The following ANKS1A variants were observed in gnomAD, a reference collection of about 807,000 sequenced individuals.
The protein encoded by ANKS1A is ankyrin repeat and SAM domain-containing protein 1A.
Under a neutral mutation model 120.3 loss-of-function variants are expected in ANKS1A, and 55 were observed. The observed-to-expected ratio is 0.46, with a 90% CI of 0.37 to 0.57. The LOEUF (loss-of-function observed/expected upper bound fraction) is 0.57, where lower values mean the gene tolerates loss of function less well. ANKS1A is among the 20% of genes least tolerant of loss of function. ANKS1A has a pLI of 0.00. For synonymous variants in ANKS1A, 590 were observed against 604.7 expected (o/e 0.98, Z 0.36); for missense variants, 1,123 against 1,480.3 (o/e 0.76, Z 3.96).
At chr6:34,943,477 C>T (rs1201381154) in intron 1 of ANKS1A, among the ~76,000 whole-genome samples, 1 of 152,154 alleles carries the variant, frequency 6.6e-6, no homozygotes, top group African/African-American at 2.4e-5. Flanking sequence ...TTATATAGTT[C>T]TATGGATTTT....
At chr6:35,075,322 T>C (rs1777288673) in intron 13 of ANKS1A, among the ~76,000 whole-genome samples, 1 of 152,088 alleles carries the variant, frequency 6.6e-6, no homozygotes, top group Non-Finnish European at 1.5e-5. Flanking sequence ...AAAATAGATT[T>C]CTACATGAAC....
chr6:34,917,509 A>G (rs1306708705), intron 1 of ANKS1A, among the ~76,000 whole-genome samples: 3 of 152,260 alleles, frequency 2.0e-5, no homozygotes, highest in Non-Finnish European at 4.4e-5. Flanking sequence ...ACTTGATGTT[A>G]TAAAACCAGT....
At chr6:34,896,270 A>G (rs1316755293) in intron 1 of ANKS1A, among the ~76,000 whole-genome samples, 1 of 151,310 alleles carries the variant, frequency 6.6e-6, no homozygotes, top group African/African-American at 2.4e-5. Context: ...GGGTTTCACT[A>G]TGTTGGCCAG....
intron 11 of ANKS1A, among the ~76,000 whole-genome samples, chr6:35,034,236 A>C (rs2820234): frequency 0.37 from 56,828 of 152,082 alleles, 13,376 homozygotes; most frequent in Non-Finnish European, 0.5. Flanking sequence ...ATTGTGTATA[A>C]GCTTTTGTGG....
rs1776436944 is a variant in ANKS1A at position 35,060,343 on chromosome 6, A to C, written c.2184+90A>C. 1.7e-6 allele frequency: 2 copies of C among 1,156,546 alleles called. No homozygotes were observed. The highest frequency in any genetic ancestry group is 4.2e-5 in the Admixed American group (2 of 47,952). The allele number at this position is 1,156,546 out of a possible 1,614,324, so 71.6% of individuals were successfully genotyped here. On this transcript the variant is annotated intron_variant, in intron 13 of 23. Coordinates refer to ENST00000360359, the MANE Select transcript of ANKS1A (RefSeq NM_015245.3). The surrounding 1 kb of genome is among the most constrained non-coding windows in gnomAD (Gnocchi z 4.5). ...CCCCTCTGGCCCCACAGGAGTCTGCAACAGTACGTAGACCCAAATCCCAGG... is the reference window on the plus strand; with the variant it reads ...CCCCTCTGGCCCCACAGGAGTCTGCCACAGTACGTAGACCCAAATCCCAGG...
In ANKS1A at chr6:35,018,074, A is replaced by C. The variant is rs1469272100; in HGVS notation, c.2010+15A>C. 7 of 1,608,896 alleles carry C rather than the reference A, an allele frequency of 4.4e-6. No homozygotes were observed. Among genetic ancestry groups the C allele is most frequent in the Non-Finnish European group, 5.9e-6 (7 of 1,177,360 alleles). On this transcript the variant is annotated intron_variant, in intron 11 of 23. Coordinates refer to ENST00000360359, the MANE Select transcript of ANKS1A (RefSeq NM_015245.3). Reference sequence around the variant, plus strand: ...AGTGGGATGAGGTAAGGCCGACATGACGTCACAGGGAGCTGGGCTGGCCAG... The same window carrying C: ...AGTGGGATGAGGTAAGGCCGACATGCCGTCACAGGGAGCTGGGCTGGCCAG...
chr6:35,011,727 T>G (rs1354401864), intron 10 of ANKS1A, among the ~76,000 whole-genome samples: 2 of 152,218 alleles, frequency 1.3e-5, no homozygotes, highest in African/African-American at 4.8e-5. Context: ...CAGTCTCCTT[T>G]GCAGAGTCAG....
intron 1 of ANKS1A, among the ~76,000 whole-genome samples, chr6:34,944,293 C>T (rs1581728616): frequency 6.6e-6 from 1 of 151,882 alleles, no homozygotes; most frequent in Non-Finnish European, 1.5e-5. Flanking sequence ...AAAAAGTGGA[C>T]ATATTATTTT....
chr6:35,038,658 T>C (rs1417254250), intron 11 of ANKS1A, among the ~76,000 whole-genome samples: 1 of 152,070 alleles, frequency 6.6e-6, no homozygotes, highest in Non-Finnish European at 1.5e-5. Context: ...TTTTTGTTTT[T>C]GTTTTTTTGT....
chr6:34,969,885 C>A, intron 2 of ANKS1A, 125 bp from the exon 3 acceptor site: 1 of 1,127,618 alleles, frequency 8.9e-7, no homozygotes, highest in Non-Finnish European at 1.3e-6. Context: ...GTGGTGAGCT[C>A]AGGTAGAGAC....
chr6:35,078,543 C>T lies in ANKS1A; in HGVS notation c.2185-15C>T, dbSNP rs1210331005. On this transcript the variant is annotated splice_polypyrimidine_tract_variant and intron_variant, in intron 13 of 23. Transcript: ENST00000360359. ...CATCCAGGAGGGGCCCTGACATCCA[C>T]CTTTCTGCTCTCAGGGGTCTAATGT... The T allele has an allele frequency of 4.3e-6, 7 of 1,610,110 alleles. No individual in the cohort carries two copies. The highest frequency in any genetic ancestry group is 4.2e-6 in the Non-Finnish European group (5 of 1,178,960).
At position 35,090,852 on chromosome 6, in the gene ANKS1A, C is replaced by T; in HGVS notation, c.*2243C>T. 3.0e-6 allele frequency: 3 copies of T among 985,796 alleles called. No individual in the cohort carries two copies. The highest frequency in any genetic ancestry group is 3.6e-6 in the Non-Finnish European group (3 of 830,222). 61.1% of individuals were successfully genotyped at this position (985,796 alleles called of 1,614,324 possible). On this transcript the variant is annotated 3_prime_UTR_variant, in exon 24 of 24. Transcript: ENST00000360359. ...CAGTACCTGTCCCAGCCACAGGCTT[C>T]TTGTCCACCTCTTCTCCCCTGCCCA...
rs1776436212 is a variant in ANKS1A, at chr6:35,060,322, T to C, written c.2184+69T>C. On this transcript the variant is annotated intron_variant, in intron 13 of 23. Transcript: ENST00000360359. The surrounding 1 kb of genome is among the most constrained non-coding windows in gnomAD (Gnocchi z 4.5). ...GGAAACAGGCCTCCCTGGCCTCCCC[T>C]CTGGCCCCACAGGAGTCTGCAACAG... is the stretch of plus-strand genomic sequence containing the variant. 1.7e-5 allele frequency: 24 copies of C among 1,380,344 alleles called. No individual in the cohort carries two copies. The highest frequency in any genetic ancestry group is 1.7e-5 in the Non-Finnish European group (17 of 990,080). The allele number at this position is 1,380,344 out of a possible 1,614,324, so 85.5% of individuals were successfully genotyped here.
At chr6:35,061,457 C>T (rs1776497518) in intron 13 of ANKS1A, among the ~76,000 whole-genome samples, 2 of 152,194 alleles carry the variant, frequency 1.3e-5, no homozygotes, top group Admixed American at 6.5e-5. Flanking sequence ...ATGCAGCTCG[C>T]ACCACCTGCA....
At chr6:35,039,008 C>T (rs1479735366) in intron 11 of ANKS1A, among the ~76,000 whole-genome samples, 1 of 151,920 alleles carries the variant, frequency 6.6e-6, no homozygotes, top group African/African-American at 2.4e-5. Flanking sequence ...ATACCAAAAC[C>T]AGGCGATTGA....
At position 35,090,144 on chromosome 6, in the gene ANKS1A, T is replaced by A. The variant is rs1195621693; in HGVS notation, c.*1535T>A. Reference sequence around the variant, plus strand: ...GCCTGGGACTCAGCTCTCTCTGCGGTAGAGGCAGGCCCTCCTCCACTTCTT... The same window carrying A: ...GCCTGGGACTCAGCTCTCTCTGCGGAAGAGGCAGGCCCTCCTCCACTTCTT... On this transcript the variant is annotated 3_prime_UTR_variant, in exon 24 of 24. Coordinates refer to ENST00000360359, the MANE Select transcript of ANKS1A (RefSeq NM_015245.3). 4 of 1,289,464 alleles carry A rather than the reference T, an allele frequency of 3.1e-6. No individual in the cohort carries two copies. The South Asian group carries it at 4.9e-5, about 16-fold the overall frequency. The allele number at this position is 1,289,464 out of a possible 1,614,324, so 79.9% of individuals were successfully genotyped here.
intron 1 of ANKS1A, among the ~76,000 whole-genome samples, chr6:34,947,693 C>G (rs1192170872): frequency 6.6e-6 from 1 of 152,170 alleles, no homozygotes; most frequent in African/African-American, 2.4e-5. Flanking sequence ...CCCTCTGATT[C>G]TAGAACTGGT....
intron 1 of ANKS1A, among the ~76,000 whole-genome samples, chr6:34,921,280 G>T (rs1451604188): frequency 2.6e-5 from 4 of 152,134 alleles, no homozygotes; most frequent in African/African-American, 9.7e-5. Context: ...AGTCTCTTCT[G>T]AACACATTTT....
At chr6:35,028,666 T>G (rs979473420) in intron 11 of ANKS1A, among the ~76,000 whole-genome samples, 1 of 152,238 alleles carries the variant, frequency 6.6e-6, no homozygotes, top group Admixed American at 6.5e-5. Flanking sequence ...TTTTTCTTTT[T>G]AAAAGACAAA....
Sources: allele counts gnomAD v4.1 joint callset (sites outside exome capture counted in the v4.1 genomes callset), GRCh38; gene constraint gnomAD v4.1.1; non-coding constraint Gnocchi (gnomAD v3.1); transcripts MANE v1.5; gene names NCBI Gene and HGNC (gene_info 2026-07-23, HGNC 2026-07-21).